The following NPTN variants were observed in gnomAD, a reference collection of about 807,000 sequenced individuals.
NPTN encodes SDR-1.
NPTN carries 5 observed loss-of-function variants against 42.7 expected under a neutral mutation model. The ratio of observed to expected loss-of-function variants is 0.12; its 90% confidence interval spans 0.06 to 0.25. The LOEUF (loss-of-function observed/expected upper bound fraction) is 0.25. Among genes scored for constraint, NPTN ranks in the 10% least tolerant of loss-of-function variants. The pLI, the probability that NPTN is intolerant of heterozygous loss-of-function variation, is 1.00. For missense variants in NPTN, 307 were observed against 525.4 expected, an observed-to-expected ratio of 0.58 and a Z score of 4.06; for synonymous variants, 180 against 201.9, an observed-to-expected ratio of 0.89 and a Z score of 0.92.
chr15:73,568,915 CAT>C, intron 6 of NPTN: 2 of 985,532 alleles, frequency 2.0e-6, no homozygotes, highest in Non-Finnish European at 2.4e-6. Flanking sequence ...TGCTCTCAAA[CAT>C]GTCCTCCCAG....
chr15:73,561,049 C>G lies in NPTN; in HGVS notation c.*15-1G>C, dbSNP rs1461514972. ...CCACCAGTTTCAGGAACCTAAAGAT[C>G]TGTAAAGAAATATGTATTTGGAAAT... On this transcript the variant is annotated splice_acceptor_variant, in intron 8 of 8. Transcript: ENST00000345330. LOFTEE classifies it low-confidence loss of function (3UTR_SPLICE). The G allele has an allele frequency of 6.6e-6, 1 of 152,606 alleles. No homozygotes were observed. Among genetic ancestry groups the G allele is most frequent in the Non-Finnish European group, 1.5e-5 (1 of 68,050 alleles). The allele number at this position is 152,606 out of a possible 1,614,324, so 9.5% of individuals were successfully genotyped here. A position where few individuals can be genotyped will look rare whatever the true frequency, so the allele number is the denominator to read the frequency against.
intron 4 of NPTN, among the ~76,000 whole-genome samples, chr15:73,584,667 T>C (rs1217900457): frequency 1.3e-5 from 2 of 151,494 alleles, no homozygotes; most frequent in Non-Finnish European, 2.9e-5. Context: ...CTGCTCCATC[T>C]TCCTTCTCTC....
At chr15:73,618,294 T>G (rs1897961220) in intron 1 of NPTN, among the ~76,000 whole-genome samples, 1 of 152,058 alleles carries the variant, frequency 6.6e-6, no homozygotes, top group Non-Finnish European at 1.5e-5. Flanking sequence ...GTTAGAAAGA[T>G]CTCTACCATA....
At chr15:73,571,542 G>A (rs548202870) in intron 5 of NPTN, among the ~76,000 whole-genome samples, 1 of 152,292 alleles carries the variant, frequency 6.6e-6, no homozygotes, top group Non-Finnish European at 1.5e-5. Context: ...TCACACATGA[G>A]CTAACATTTG....
chr15:73,576,674 G>A (rs1895718380), intron 4 of NPTN, among the ~76,000 whole-genome samples: 1 of 152,120 alleles, frequency 6.6e-6, no homozygotes, highest in Non-Finnish European at 1.5e-5. Flanking sequence ...GTTATCTTGG[G>A]ACCTCAAGAG....
intron 4 of NPTN, among the ~76,000 whole-genome samples, chr15:73,584,065 T>C (rs1231500524): frequency 6.6e-6 from 1 of 152,224 alleles, no homozygotes; most frequent in Non-Finnish European, 1.5e-5. Context: ...AGATCAATCC[T>C]GGCTCTCTCA....
intron 1 of NPTN, among the ~76,000 whole-genome samples, chr15:73,606,057 T>A (rs1269625390): frequency 2.0e-5 from 3 of 151,952 alleles, no homozygotes; most frequent in Non-Finnish European, 4.4e-5. Context: ...GCAAACTACT[T>A]CTCAAAAAAA....
At position 73,581,540 on chromosome 15, in the gene NPTN, C is replaced by T. The variant is rs78400630; in HGVS notation, c.706+5984G>A. ...ATCCCTCCAGTATCCTAATAAATAG[C>T]AACACAGGGGTCCCAAAAGAGTCTC... On this transcript the variant is annotated intron_variant, in intron 4 of 8. Coordinates refer to ENST00000345330, the MANE Select transcript of NPTN (RefSeq NM_012428.4). 4.9e-3 allele frequency among the ~76,000 whole-genome samples: 750 copies of T among 152,274 alleles called. 20 individuals carry two copies. The highest frequency in any genetic ancestry group is 0.038 in the Admixed American group (585 of 15,300).
chr15:73,575,733 C>T (rs1895659279), intron 4 of NPTN, among the ~76,000 whole-genome samples: 1 of 152,164 alleles, frequency 6.6e-6, no homozygotes, highest in Non-Finnish European at 1.5e-5. Context: ...AAAAACAATG[C>T]AAAGTCCTAC....
Position 73,622,498 on chromosome 15 carries a change from T to TA in NPTN, c.91+10626_91+10627insT, listed in dbSNP as rs1566991032. Among the ~76,000 whole-genome samples the TA allele has an allele frequency of 4.1e-3, 611 of 148,534 alleles. 5 individuals carry two copies. The highest frequency in any genetic ancestry group is 0.014 in the African/African-American group (570 of 40,130). On this transcript the variant is annotated intron_variant, in intron 1 of 8. Transcript: ENST00000345330. ...TTAGGTAAGAAGAGGGAGAATTGTT[T>TA]TAAAAAAAAAAAAAAAAAGCCTGAC...
In NPTN at chr15:73,567,087, T is replaced by C. The variant is rs1895066781; in HGVS notation, c.1114+3063A>G. 4.1e-6 allele frequency: 4 copies of C among 981,536 alleles called. No homozygotes were observed. The South Asian group carries it at 1.9e-4, about 46-fold the overall frequency. 60.8% of individuals were successfully genotyped at this position (981,536 alleles called of 1,614,324 possible). On this transcript the variant is annotated intron_variant, in intron 6 of 8. Coordinates refer to ENST00000345330, the MANE Select transcript of NPTN (RefSeq NM_012428.4). ...TGTGAGAAATCTAAATATTTGATTT[T>C]CTAGTGAAACATACTTAAACTAAAC...
intron 2 of NPTN, among the ~76,000 whole-genome samples, chr15:73,595,802 G>C (rs1311882254): frequency 6.6e-6 from 1 of 152,102 alleles, no homozygotes; most frequent in Non-Finnish European, 1.5e-5. Flanking sequence ...TTGGTTCTGT[G>C]GTGGCTTCTC....
intron 1 of NPTN, among the ~76,000 whole-genome samples, chr15:73,606,392 C>A (rs1897296709): frequency 6.6e-6 from 1 of 152,170 alleles, no homozygotes; most frequent in Non-Finnish European, 1.5e-5. Context: ...CCCAACTTCA[C>A]AAATAGTACT....
In NPTN at chr15:73,560,154, TATC is replaced by T. The variant is rs750267862; in HGVS notation, c.*906_*908del. ...ATGAGAACCGTTAGGTTATAAAATC[TATC>T]ATCAACCAGTAAATCAATGTGAAAA... On this transcript the variant is annotated 3_prime_UTR_variant, in exon 9 of 9. Coordinates refer to ENST00000345330, the MANE Select transcript of NPTN (RefSeq NM_012428.4). 5.3e-5 allele frequency: 18 copies of T among 342,764 alleles called. No homozygotes were observed. Among genetic ancestry groups the T allele is most frequent in the Non-Finnish European group, 6.8e-5 (13 of 192,562 alleles). The allele number at this position is 342,764 out of a possible 1,614,324, so 21.2% of individuals were successfully genotyped here.
chr15:73,616,627 T>C (rs1394629448), intron 1 of NPTN, among the ~76,000 whole-genome samples: 4 of 152,122 alleles, frequency 2.6e-5, no homozygotes, highest in African/African-American at 9.7e-5. Context: ...CCCTTCACAA[T>C]TACTTCTTAT....
chr15:73,563,119 A>AC (rs1242081585), intron 7 of NPTN, 117 bp downstream of exon 7: 5 of 753,438 alleles, frequency 6.6e-6, no homozygotes, highest in Non-Finnish European at 1.2e-5. Flanking sequence ...CTACACTGCA[A>AC]CCTTCATTTC....
intron 1 of NPTN, among the ~76,000 whole-genome samples, chr15:73,606,265 A>T (rs1897289898): frequency 6.6e-6 from 1 of 152,204 alleles, no homozygotes; most frequent in Non-Finnish European, 1.5e-5. Flanking sequence ...TGACTTTGAC[A>T]TCAAAATGAC....
At chr15:73,625,355 A>G (rs867332692) in intron 1 of NPTN, among the ~76,000 whole-genome samples, 1 of 151,744 alleles carries the variant, frequency 6.6e-6, no homozygotes, top group African/African-American at 2.4e-5. Flanking sequence ...TTTTCTAAAG[A>G]GCTTTTTTTT....
Position 73,592,123 on chromosome 15 carries a change from T to C in NPTN, c.454A>G (p.Thr152Ala), listed in dbSNP as rs1318907347. 1 of 1,613,274 alleles carries C rather than the reference T, an allele frequency of 6.2e-7. No individual in the cohort carries two copies. Among genetic ancestry groups the C allele is most frequent in the Non-Finnish European group, 8.5e-7 (1 of 1,179,606 alleles). ...TCTCGAATAATGACCTCTTCACTGG[T>C]GACAATCCTTGGCTCTGTAATAAGA... ...ISVLQKPRIV[T>A]SEEVIIRDSP... The change falls in exon 3 of 9, where the codon ACC becomes GCC. Residue 152 changes from threonine (T) to alanine (A), a missense_variant. Thr to Ala is a moderately conservative substitution (Grantham distance 58). Coordinates refer to ENST00000345330, the MANE Select transcript of NPTN (RefSeq NM_012428.4).
Sources: gnomAD v4.1 joint callset for allele counts (sites outside exome capture counted in the v4.1 genomes callset) on GRCh38, gnomAD v4.1.1 for gene constraint, MANE v1.5 for transcripts, NCBI Gene and HGNC (gene_info 2026-07-23, HGNC 2026-07-21) for gene names.